PTPRM: variants seen among roughly 807,000 people sequenced by gnomAD.
The protein encoded by PTPRM is receptor-type tyrosine-protein phosphatase mu.
In PTPRM, 47 loss-of-function variants were observed where a neutral mutation model predicts 186.7. That is an observed-to-expected ratio of 0.25 (90% CI 0.20 to 0.32). PTPRM has a LOEUF of 0.32. PTPRM is among the 10% of genes least tolerant of loss of function. PTPRM has a pLI of 1.00. For synonymous variants in PTPRM, 668 were observed against 674.9 expected (o/e 0.99, Z 0.16); for missense variants, 1,494 against 1,865.0 (o/e 0.80, Z 3.66).
chr18:7,826,537 G>T (rs572525247), intron 2 of PTPRM, among the ~76,000 whole-genome samples: 5 of 152,306 alleles, frequency 3.3e-5, no homozygotes, highest in Admixed American at 1.3e-4. Context: ...TAGCTCAGTT[G>T]TTTCCTTGAA....
At chr18:8,177,243 A>G (rs2093498439) in intron 14 of PTPRM, among the ~76,000 whole-genome samples, 1 of 152,254 alleles carries the variant, frequency 6.6e-6, no homozygotes, top group African/African-American at 2.4e-5. Context: ...TAGTTTCTTT[A>G]GTAATTCTTT....
At chr18:7,688,169 C>G (rs1258796543) in intron 1 of PTPRM, among the ~76,000 whole-genome samples, 1 of 152,160 alleles carries the variant, frequency 6.6e-6, no homozygotes, top group Non-Finnish European at 1.5e-5. Context: ...TCTCACGTAT[C>G]TGCTAGTGTA....
chr18:7,703,331 G>C (rs2040006144), intron 1 of PTPRM, among the ~76,000 whole-genome samples: 1 of 151,978 alleles, frequency 6.6e-6, no homozygotes, highest in African/African-American at 2.4e-5. Context: ...CATTTTTTGT[G>C]TCCTCTCTCA....
chr18:7,727,583 T>C (rs2040576091), intron 1 of PTPRM, among the ~76,000 whole-genome samples: 2 of 152,218 alleles, frequency 1.3e-5, no homozygotes, highest in Admixed American at 1.3e-4. Context: ...CAATGGCATG[T>C]CAAATTTGGA....
At chr18:8,191,533 T>C (rs971698845) in intron 14 of PTPRM, among the ~76,000 whole-genome samples, 2 of 152,200 alleles carry the variant, frequency 1.3e-5, no homozygotes, top group African/African-American at 4.8e-5. Context: ...TGACTGTACA[T>C]GGAGCCAAGC....
intron 1 of PTPRM, among the ~76,000 whole-genome samples, chr18:7,715,493 G>T (rs1413384565): frequency 6.6e-6 from 1 of 152,136 alleles, no homozygotes; most frequent in Non-Finnish European, 1.5e-5. Context: ...CATAATATTG[G>T]AAGTGCTGGC....
rs766639399 is a variant in PTPRM at position 7,706,601 on chromosome 18, CAAAAAAAAAA to C, written c.74-67528_74-67519del. 5.6e-3 allele frequency among the ~76,000 whole-genome samples: 90 copies of C among 16,138 alleles called. 1 individual carries two copies. The highest frequency in any genetic ancestry group is 0.014 in the African/African-American group (72 of 5,290). The allele number at this position is 16,138 out of a possible 152,430, so 10.6% of individuals were successfully genotyped here. On this transcript the variant is annotated intron_variant, in intron 1 of 32. Coordinates refer to ENST00000580170, the MANE Select transcript of PTPRM (RefSeq NM_001105244.2). ...TGGATGACAGAACAAGACCTTGTCT[CAAAAAAAAAA>C]AAAAAAAAAAAAAAAAAAACAACAA...
At chr18:8,222,741 C>G (rs1461470398) in intron 14 of PTPRM, among the ~76,000 whole-genome samples, 1 of 152,160 alleles carries the variant, frequency 6.6e-6, no homozygotes, top group Non-Finnish European at 1.5e-5. Context: ...CAAGGCATTC[C>G]ACAGAATGAC....
intron 13 of PTPRM, among the ~76,000 whole-genome samples, chr18:8,129,986 C>T (rs551620104): frequency 6.6e-6 from 1 of 152,262 alleles, no homozygotes; most frequent in South Asian, 2.1e-4. Context: ...GAAACGTGTT[C>T]TTCCATGTCT....
chr18:7,946,919 C>T, intron 5 of PTPRM: 2 of 456,188 alleles, frequency 4.4e-6, no homozygotes, highest in Non-Finnish European at 8.8e-6. Context: ...CTGAGCATGC[C>T]TAGCCCAGCC....
At chr18:7,592,013 C>T (rs889419947) in intron 1 of PTPRM, among the ~76,000 whole-genome samples, 2 of 148,206 alleles carry the variant, frequency 1.3e-5, no homozygotes, top group African/African-American at 2.5e-5. Flanking sequence ...AAGTTTATTT[C>T]CCAGCATTAT....
intron 20 of PTPRM, among the ~76,000 whole-genome samples, chr18:8,299,209 T>C (rs1294393350): frequency 3.3e-5 from 5 of 152,190 alleles, no homozygotes; most frequent in Non-Finnish European, 1.5e-5. Flanking sequence ...TCTGTTCCTG[T>C]ACCCGTTGCT....
intron 23 of PTPRM, among the ~76,000 whole-genome samples, chr18:8,353,996 G>A (rs1369058749): frequency 1.3e-5 from 2 of 152,166 alleles, no homozygotes; most frequent in East Asian, 3.9e-4. Flanking sequence ...TGGACTGCCT[G>A]AGGTCAGGAG....
intron 13 of PTPRM, among the ~76,000 whole-genome samples, chr18:8,140,260 A>G (rs1313896795): frequency 6.6e-6 from 1 of 152,100 alleles, no homozygotes; most frequent in Non-Finnish European, 1.5e-5. Context: ...TTGTGCAGCC[A>G]GTTCAGTAGT....
At chr18:7,710,962 G>A (rs2040199207) in intron 1 of PTPRM, among the ~76,000 whole-genome samples, 1 of 152,104 alleles carries the variant, frequency 6.6e-6, no homozygotes, top group Non-Finnish European at 1.5e-5. Flanking sequence ...TTGTGAAAAT[G>A]ACCATACTGC....
chr18:7,683,919 GGTTCCT>G (rs1287362524), intron 1 of PTPRM, among the ~76,000 whole-genome samples: 1 of 152,038 alleles, frequency 6.6e-6, no homozygotes, highest in Non-Finnish European at 1.5e-5. Context: ...GTCAGTCTGA[GGTTCCT>G]GTTTTCTCCC....
At chr18:8,046,491 CTG>C (rs1055736964) in intron 7 of PTPRM, among the ~76,000 whole-genome samples, 26 of 152,152 alleles carry the variant, frequency 1.7e-4, no homozygotes, top group African/African-American at 6.0e-4. Context: ...TGTATCCATC[CTG>C]TGTCAGCACT....
rs547180689 is a variant in PTPRM at position 8,166,126 on chromosome 18, A to G, written c.2300+22347A>G. ...TGATAAATGTTTATTGATCCACTGC[A>G]GAAATGAGTGAATAAACGCAGATCC... On this transcript the variant is annotated intron_variant, in intron 14 of 32. Transcript: ENST00000580170. 1.3e-5 allele frequency among the ~76,000 whole-genome samples: 2 copies of G among 152,338 alleles called. 1 individual carries two copies. The highest frequency in any genetic ancestry group is 4.1e-4 in the South Asian group (2 of 4,824).
intron 1 of PTPRM, among the ~76,000 whole-genome samples, chr18:7,755,985 T>C (rs1049117571): frequency 6.6e-6 from 1 of 152,228 alleles, no homozygotes; most frequent in Non-Finnish European, 1.5e-5. Flanking sequence ...TCCTCTGTTG[T>C]ATCAGATTCC....
Sources: gnomAD v4.1 joint callset for allele counts (sites outside exome capture counted in the v4.1 genomes callset) on GRCh38, gnomAD v4.1.1 for gene constraint, MANE v1.5 for transcripts, NCBI Gene and HGNC (gene_info 2026-07-23, HGNC 2026-07-21) for gene names.